Variants in FAM83A observed in about 807,000 individuals in gnomAD.
FAM83A encodes protein FAM83A.
A neutral mutation model predicts 24.4 loss-of-function variants in FAM83A; 21 were observed. That is an observed-to-expected ratio of 0.86 (90% CI 0.61 to 1.24). The LOEUF is 1.24. FAM83A is among the 50% of genes most tolerant of loss of function. The pLI is 0.00. For synonymous variants in FAM83A, 270 were observed against 252.4 expected (o/e 1.07, Z -0.66); for missense variants, 617 against 579.8 (o/e 1.06, Z -0.66).
intron 3 of FAM83A, among the ~76,000 whole-genome samples, 167 bp from the exon 4 acceptor site, chr8:123,206,990 T>A (rs1824573906): frequency 1.3e-5 from 1 of 76,442 alleles, no homozygotes; most frequent in Non-Finnish European, 2.5e-5. Flanking sequence ...CCCACTTCCC[T>A]TCCCCCTCCC....
At chr8:123,193,930 T>TG in intron 2 of FAM83A, 94 bp from the exon 3 acceptor site, 2 of 1,491,158 alleles carry the variant, frequency 1.3e-6, no homozygotes, top group Non-Finnish European at 1.8e-6. Flanking sequence ...CAACACAGAA[T>TG]GGGGGTAAAG....
At chr8:123,207,515 G>T in exon 4 of FAM83A, 4 of 1,571,906 alleles carry the variant, frequency 2.5e-6, no homozygotes, top group Admixed American at 3.5e-5. Context: ...CCCTTGGGGA[G>T]CCCCGAGTCC....
At chr8:123,200,819 G>A (rs1248425611) in intron 3 of FAM83A, among the ~76,000 whole-genome samples, 1 of 152,040 alleles carries the variant, frequency 6.6e-6, no homozygotes, top group Non-Finnish European at 1.5e-5. Context: ...GCCAGATGTG[G>A]TGGTGGGTGC....
rs199747294 is a variant in FAM83A at position 123,182,960 on chromosome 8, C to A, written c.104C>A (p.Ala35Asp). The A allele has an allele frequency of 1.2e-5, 19 of 1,608,442 alleles. No individual in the cohort carries two copies. The Admixed American group carries it at 2.4e-4, about 20-fold the overall frequency. The change falls in exon 1 of 4, where the codon GCC becomes GAC. Residue 35 changes from alanine (A) to aspartate (D), a missense_variant. Coordinates refer to ENST00000690554, the Ensembl canonical transcript of FAM83A. The stretch of plus-strand genomic sequence containing the variant: ...GCTGACTTTAGTGACAACGAGAGTG[C>A]CCGGCTGGCCACGGACGCCCTCTTG...
chr8:123,179,165 T>C (rs1409350504), upstream of FAM83A: 1 of 152,228 alleles, frequency 6.6e-6, no homozygotes, highest in African/African-American at 2.4e-5. Context: ...ATCACTGCTA[T>C]GGTTTGAATG....
intron 2 of FAM83A, among the ~76,000 whole-genome samples, chr8:123,193,594 T>G (rs1179825381): frequency 6.6e-6 from 1 of 152,238 alleles, no homozygotes; most frequent in South Asian, 2.1e-4. Context: ...GACATTTTCA[T>G]GCACAAATTG....
At chr8:123,193,849 C>T (rs1248018293) in intron 2 of FAM83A, among the ~76,000 whole-genome samples, 175 bp from the exon 3 acceptor site, 3 of 152,230 alleles carry the variant, frequency 2.0e-5, no homozygotes, top group Non-Finnish European at 2.9e-5. Context: ...TTCATGAGCA[C>T]TCCATCTTCA....
rs1824653957 is a variant in FAM83A at position 123,209,126 on chromosome 8, G to T, written c.*1438G>T. ...TGATCCAGGCTGGGGAGCCAGAGGG[G>T]AGCAGGTGCCAACTCCACATCCTTC... On this transcript the variant is annotated 3_prime_UTR_variant, in exon 4 of 4. Coordinates refer to ENST00000690554, the Ensembl canonical transcript of FAM83A. The surrounding 1 kb of genome is among the most constrained non-coding windows in gnomAD (Gnocchi z 4.7). 3.8e-6 allele frequency: 4 copies of T among 1,055,330 alleles called. No homozygotes were observed. Among genetic ancestry groups the T allele is most frequent in the Middle Eastern group, 4.5e-4 (1 of 2,200 alleles). The allele number at this position is 1,055,330 out of a possible 1,614,324, so 65.4% of individuals were successfully genotyped here. A position where few individuals can be genotyped will look rare whatever the true frequency, so the allele number is the denominator to read the frequency against.
chr8:123,197,006 C>A (rs1225719720), intron 3 of FAM83A, among the ~76,000 whole-genome samples: 1 of 152,208 alleles, frequency 6.6e-6, no homozygotes, highest in Admixed American at 6.5e-5. Context: ...CAGCCCCCAC[C>A]ACCATCACCC....
Position 123,209,764 on chromosome 8 carries a change from C to T in FAM83A, c.*2076C>T, listed in dbSNP as rs1032298332. On this transcript the variant is annotated 3_prime_UTR_variant, in exon 4 of 4. Coordinates refer to ENST00000690554, the Ensembl canonical transcript of FAM83A. The surrounding 1 kb of genome is among the most constrained non-coding windows in gnomAD (Gnocchi z 4.7). ...GACCACCCTCCATCAGCAGTCTCCC[C>T]TCCGTGGTCGTCTTTGTTGACAAAG... is the stretch of plus-strand genomic sequence containing the variant. The T allele has an allele frequency of 2.4e-5, 14 of 578,868 alleles. No individual in the cohort carries two copies. The African/African-American group carries it at 2.4e-4, about 10-fold the overall frequency. The allele number at this position is 578,868 out of a possible 1,614,324, so 35.9% of individuals were successfully genotyped here.
intron 1 of FAM83A, among the ~76,000 whole-genome samples, chr8:123,190,574 AT>A: frequency 6.6e-6 from 1 of 152,290 alleles, no homozygotes; most frequent in Non-Finnish European, 1.5e-5. Flanking sequence ...AGTAATTAAC[AT>A]TTTTAATGAC....
chr8:123,179,578 T>TTCTGGCAGA (rs1305679446), upstream of FAM83A: 1 of 152,200 alleles, frequency 6.6e-6, no homozygotes, highest in Non-Finnish European at 1.5e-5. Context: ...AATCCTATGA[T>TTCTGGCAGA]CAACTAGTAA....
chr8:123,200,122 G>A (rs1824299514), intron 3 of FAM83A: 2 of 152,250 alleles, frequency 1.3e-5, no homozygotes, highest in African/African-American at 4.8e-5. Flanking sequence ...TATCAAGTAA[G>A]CATTGGACCA....
chr8:123,201,458 G>A (rs1422387076), intron 3 of FAM83A: 4 of 152,236 alleles, frequency 2.6e-5, no homozygotes, highest in African/African-American at 9.6e-5. Context: ...CCAGCTCCTG[G>A]AGGGAGAACA....
intron 3 of FAM83A, among the ~76,000 whole-genome samples, chr8:123,198,119 A>G (rs1304247967): frequency 1.2e-4 from 19 of 152,148 alleles, no homozygotes; most frequent in Non-Finnish European, 1.5e-5. Flanking sequence ...TGACAGAGTG[A>G]GACTCTCCCT....
chr8:123,183,428 G>A (rs753594490), intron 1 of FAM83A, 92 bp downstream of exon 1: 1 of 1,517,434 alleles, frequency 6.6e-7, no homozygotes, highest in Non-Finnish European at 8.8e-7. Context: ...TTGCTCCCAG[G>A]GCGAGAGTCC....
rs942250553 is a variant in FAM83A, at chr8:123,209,865, G to A, written c.*2177G>A. On this transcript the variant is annotated 3_prime_UTR_variant, in exon 4 of 4. Coordinates refer to ENST00000690554, the Ensembl canonical transcript of FAM83A. The surrounding 1 kb of genome is among the most constrained non-coding windows in gnomAD (Gnocchi z 4.7). The stretch of plus-strand genomic sequence containing the variant: ...TGGGAGGTTAGGTCGGGGCTGCCCC[G>A]GCGAGTGGAGCATGAGCAGAACCGC... 3.9e-5 allele frequency: 13 copies of A among 329,578 alleles called. No individual in the cohort carries two copies. The highest frequency in any genetic ancestry group is 1.2e-4 in the African/African-American group (6 of 48,452). 20.4% of individuals were successfully genotyped at this position (329,578 alleles called of 1,614,324 possible). A position where few individuals can be genotyped will look rare whatever the true frequency, so the allele number is the denominator to read the frequency against.
chr8:123,196,896 G>T (rs1053274194), intron 3 of FAM83A, among the ~76,000 whole-genome samples: 42 of 152,184 alleles, frequency 2.8e-4, no homozygotes, highest in African/African-American at 8.0e-4. Flanking sequence ...GGGTCCACAG[G>T]CCTGTTGTTT....
At chr8:123,201,694 C>T (rs1285684686) in intron 3 of FAM83A, 1 of 152,200 alleles carries the variant, frequency 6.6e-6, no homozygotes, top group East Asian at 1.9e-4. Flanking sequence ...TATGGTTCTC[C>T]CAAACTGAAG....
Sources: allele counts gnomAD v4.1 joint callset (sites outside exome capture counted in the v4.1 genomes callset), GRCh38; gene constraint gnomAD v4.1.1; non-coding constraint Gnocchi (gnomAD v3.1); transcripts MANE v1.5; gene names NCBI Gene and HGNC (gene_info 2026-07-23, HGNC 2026-07-21).